TENM3: variants seen among roughly 807,000 people sequenced by gnomAD.
TENM3 encodes the protein teneurin transmembrane protein 3.
In TENM3, 63 loss-of-function variants were observed where a neutral mutation model predicts 255.1. The ratio of observed to expected loss-of-function variants is 0.25; its 90% confidence interval spans 0.20 to 0.30. The LOEUF (loss-of-function observed/expected upper bound fraction) is 0.30. TENM3 is among the 10% of genes least tolerant of loss of function. The pLI is 1.00. For missense variants in TENM3, 2,929 were observed against 3,461.1 expected (o/e 0.85, Z 3.86); for synonymous variants, 1,306 against 1,322.3 (o/e 0.99, Z 0.27).
intron 24 of TENM3, among the ~76,000 whole-genome samples, chr4:182,776,368 C>T (rs953318532): frequency 1.4e-4 from 21 of 152,246 alleles, no homozygotes; most frequent in Middle Eastern, 3.4e-3. Context: ...GTCGAGATCG[C>T]GCCACTACAC....
intron 3 of TENM3, among the ~76,000 whole-genome samples, chr4:182,461,732 A>C (rs1005393072): frequency 6.6e-6 from 1 of 152,272 alleles, no homozygotes; most frequent in East Asian, 1.9e-4. Context: ...AAGGCAGGGG[A>C]CTTCTGTTCA....
intron 3 of TENM3, among the ~76,000 whole-genome samples, chr4:182,434,820 G>A (rs558412419): frequency 6.6e-5 from 10 of 152,150 alleles, no homozygotes; most frequent in South Asian, 6.2e-4. Flanking sequence ...TTAGAGGACC[G>A]GTAATCTTTG....
At chr4:181,842,994 GTTCCTTT>G in the TENM3 span, among the ~76,000 whole-genome samples, 2 of 152,126 alleles carry the variant, frequency 1.3e-5, no homozygotes, top group Non-Finnish European at 2.9e-5. Context: ...TCTTCTCTAA[GTTCCTTT>G]GACTAAAACC....
At chr4:182,527,388 G>C (rs1052726478) in intron 3 of TENM3, among the ~76,000 whole-genome samples, 1 of 151,678 alleles carries the variant, frequency 6.6e-6, no homozygotes, top group African/African-American at 2.4e-5. Context: ...CAGAAGAATC[G>C]TTAGACTTTA....
chr4:182,180,319 T>A (rs537141855), intron 1 of TENM3, among the ~76,000 whole-genome samples: 69 of 152,334 alleles, frequency 4.5e-4, no homozygotes, highest in Non-Finnish European at 8.5e-4. Context: ...ATCTCACCCA[T>A]GTGTCTGCAT....
intron 4 of TENM3, among the ~76,000 whole-genome samples, chr4:182,613,085 A>G (rs1581101776): frequency 6.6e-6 from 1 of 152,318 alleles, no homozygotes; most frequent in African/African-American, 2.4e-5. Flanking sequence ...ACTTTAGTGA[A>G]CAATTCTAAG....
At chr4:182,002,564 C>T in the TENM3 span, among the ~76,000 whole-genome samples, 8 of 152,160 alleles carry the variant, frequency 5.3e-5, no homozygotes, top group Admixed American at 2.0e-4. Context: ...TTAGGTCCTG[C>T]TTCCGTCCAA....
At chr4:181,631,296 G>GTT in the TENM3 span, among the ~76,000 whole-genome samples, 368 of 144,436 alleles carry the variant, frequency 2.5e-3, 1 homozygote, top group Middle Eastern at 7.2e-3. Flanking sequence ...GTTCTTTTTT[G>GTT]TTTTTTTTTT....
the TENM3 span, among the ~76,000 whole-genome samples, chr4:181,494,746 C>T: frequency 6.6e-6 from 1 of 152,030 alleles, no homozygotes; most frequent in Admixed American, 6.6e-5. Flanking sequence ...AGTTTGTCAC[C>T]GTATAGCCAC....
At chr4:182,568,628 G>A (rs183388794) in intron 3 of TENM3, among the ~76,000 whole-genome samples, 7 of 152,234 alleles carry the variant, frequency 4.6e-5, no homozygotes, top group Admixed American at 2.6e-4. Flanking sequence ...ACTTACTTGT[G>A]AGCCAGTAAT....
the TENM3 span, among the ~76,000 whole-genome samples, chr4:181,481,209 A>G: frequency 1.1e-4 from 16 of 152,082 alleles, no homozygotes; most frequent in Non-Finnish European, 2.2e-4. Context: ...AATACAATCT[A>G]CCTGTAACAC....
intron 13 of TENM3, among the ~76,000 whole-genome samples, chr4:182,715,017 T>C (rs568501550): frequency 6.6e-6 from 1 of 152,288 alleles, no homozygotes; most frequent in East Asian, 1.9e-4. Context: ...CCCGAGTAGC[T>C]GGGATTACAG....
At chr4:182,122,283 A>T in the TENM3 span, among the ~76,000 whole-genome samples, 1 of 152,156 alleles carries the variant, frequency 6.6e-6, no homozygotes, top group Non-Finnish European at 1.5e-5. Context: ...ATGAATCTCA[A>T]ATGTTCTTAA....
the TENM3 span, among the ~76,000 whole-genome samples, chr4:181,993,560 C>T: frequency 6.6e-6 from 1 of 152,142 alleles, no homozygotes; most frequent in Non-Finnish European, 1.5e-5. Flanking sequence ...GAAACACAGT[C>T]ATTTGTGACT....
At chr4:181,553,583 G>A in the TENM3 span, among the ~76,000 whole-genome samples, 253 of 151,574 alleles carry the variant, frequency 1.7e-3, 1 homozygote, top group East Asian at 0.015. Context: ...CTGGGACTAC[G>A]GGTGCCTGCC....
the TENM3 span, among the ~76,000 whole-genome samples, chr4:182,014,934 T>G: frequency 1.3e-5 from 2 of 152,188 alleles, no homozygotes; most frequent in African/African-American, 4.8e-5. Context: ...CCCTGTTACA[T>G]TTGCTATAAA....
At chr4:182,701,746 T>TA (rs1757897470) in intron 12 of TENM3, among the ~76,000 whole-genome samples, 1 of 152,216 alleles carries the variant, frequency 6.6e-6, no homozygotes, top group Admixed American at 6.5e-5. Flanking sequence ...AAAGTCTAGA[T>TA]ATGCAATTAT....
chr4:182,089,121 C>T, the TENM3 span, among the ~76,000 whole-genome samples: 1 of 152,108 alleles, frequency 6.6e-6, no homozygotes, highest in African/African-American at 2.4e-5. Flanking sequence ...CAATGGACAC[C>T]TCAACCTTGA....
At position 182,714,586 on chromosome 4, in the gene TENM3, A is replaced by C. The variant is rs180760449; in HGVS notation, c.2368+353A>C. Among the ~76,000 whole-genome samples, 228 of 152,350 alleles carry C rather than the reference A, an allele frequency of 1.5e-3. 3 individuals carry two copies. The highest frequency in any genetic ancestry group is 4.6e-3 in the Admixed American group (70 of 15,306). On this transcript the variant is annotated intron_variant, in intron 13 of 27. Transcript: ENST00000511685. ...CCAAAGCAGTATTTTAATAACTGAC[A>C]TTCCAAAAGATGCAAAGAATTTTCC...
Sources: gnomAD v4.1 joint callset for allele counts (sites outside exome capture counted in the v4.1 genomes callset) on GRCh38, gnomAD v4.1.1 for gene constraint, MANE v1.5 for transcripts, NCBI Gene and HGNC (gene_info 2026-07-23, HGNC 2026-07-21) for gene names.